Variants in PIP5K1A observed in about 807,000 individuals in gnomAD.
PIP5K1A encodes the protein phosphatidylinositol 4-phosphate 5-kinase type-1 alpha.
Under a neutral mutation model 72.9 loss-of-function variants are expected in PIP5K1A, and 46 were observed. The ratio of observed to expected loss-of-function variants is 0.63; its 90% confidence interval spans 0.50 to 0.81. PIP5K1A has a LOEUF of 0.81. PIP5K1A is among the 30% of genes least tolerant of loss of function. PIP5K1A has a pLI of 0.00. For synonymous variants in PIP5K1A, 228 were observed against 255.1 expected (o/e 0.89, Z 1.01); for missense variants, 458 against 706.1 (o/e 0.65, Z 3.98).
chr1:151,231,674 A>G lies in PIP5K1A; in HGVS notation c.241A>G (p.Thr81Ala). The change falls in exon 5 of 16, where the codon ACC (threonine) becomes GCC (alanine). Residue 81 changes from threonine to alanine, a missense_variant. By Grantham distance (58) the Thr-to-Ala change is moderately conservative. Coordinates refer to ENST00000368888, the MANE Select transcript of PIP5K1A (RefSeq NM_001135638.2). ...SSGETTYKKT[T>A]SSALKGAIQL... is the part of the protein sequence containing the mutation. ...TCTCATTTCTCTTGTTTCTCAGACAACCTCATCAGCCTTGAAAGGTGCCAT... is the reference window on the plus strand; with the variant it reads ...TCTCATTTCTCTTGTTTCTCAGACAGCCTCATCAGCCTTGAAAGGTGCCAT... 6.2e-7 allele frequency: 1 copy of G among 1,613,760 alleles called. No homozygotes were observed. The highest frequency in any genetic ancestry group is 8.5e-7 in the Non-Finnish European group (1 of 1,179,800).
intron 5 of PIP5K1A, 103 bp from the exon 6 acceptor site, chr1:151,232,145 C>T: frequency 1.3e-6 from 1 of 781,508 alleles, no homozygotes; most frequent in Non-Finnish European, 2.3e-6. Flanking sequence ...GAATGTATTC[C>T]CCCACTCCCC....
At chr1:151,236,830 T>C (rs1034488442) in intron 9 of PIP5K1A, 67 bp downstream of exon 9, 8 of 1,076,654 alleles carry the variant, frequency 7.4e-6, no homozygotes, top group Non-Finnish European at 6.6e-6. Context: ...TCTTTTTTTT[T>C]TTTTTTTTTT....
In PIP5K1A at chr1:151,199,959, A is replaced by T. The variant is rs183816164; in HGVS notation, c.85+878A>T. 4.9e-3 allele frequency among the ~76,000 whole-genome samples: 750 copies of T among 152,146 alleles called. 5 individuals carry two copies. The highest frequency in any genetic ancestry group is 7.8e-3 in the Admixed American group (119 of 15,256). On this transcript the variant is annotated intron_variant, in intron 1 of 15. Coordinates refer to ENST00000368888, the MANE Select transcript of PIP5K1A (RefSeq NM_001135638.2). Reference sequence around the variant, plus strand: ...CCCCCACCCTTAGGGCCGCACAGGCACACAGACACACATACATACTTTCTC... The same window carrying T: ...CCCCCACCCTTAGGGCCGCACAGGCTCACAGACACACATACATACTTTCTC...
chr1:151,204,184 A>G (rs1195482561), intron 1 of PIP5K1A, among the ~76,000 whole-genome samples: 6 of 151,920 alleles, frequency 3.9e-5, no homozygotes, highest in Non-Finnish European at 7.4e-5. Context: ...ATATATATAT[A>G]TATTTTTTTG....
chr1:151,223,973 AAAAG>A (rs1688757819), intron 1 of PIP5K1A: 2 of 517,964 alleles, frequency 3.9e-6, no homozygotes, highest in East Asian at 6.5e-5. Context: ...ATCTCAAAAA[AAAAG>A]AAAAAGTTAT....
chr1:151,200,825 T>TATTTATTC (rs1685120314), intron 1 of PIP5K1A, among the ~76,000 whole-genome samples: 2 of 151,622 alleles, frequency 1.3e-5, no homozygotes, highest in African/African-American at 4.8e-5. Flanking sequence ...TTTATTTATT[T>TATTTATTC]ATTTATTTAT....
upstream of PIP5K1A, chr1:151,198,146 T>C (rs893031597): frequency 1.7e-5 from 8 of 467,814 alleles, no homozygotes; most frequent in East Asian, 4.9e-4. Flanking sequence ...TTTAATCAAA[T>C]AGTAAACAAG....
intron 14 of PIP5K1A, 90 bp downstream of exon 14, chr1:151,242,657 T>C: frequency 8.9e-7 from 1 of 1,125,402 alleles, no homozygotes; most frequent in Non-Finnish European, 1.3e-6. Context: ...CATAATAAAT[T>C]ACCCCAAAGA....
At chr1:151,222,471 T>A (rs2102397555) in intron 1 of PIP5K1A, among the ~76,000 whole-genome samples, 1 of 152,304 alleles carries the variant, frequency 6.6e-6, no homozygotes, top group East Asian at 1.9e-4. Flanking sequence ...AAGGTAGAAC[T>A]TTTTAGGGAG....
At chr1:151,206,934 G>A (rs1370087571) in intron 1 of PIP5K1A, among the ~76,000 whole-genome samples, 3 of 151,980 alleles carry the variant, frequency 2.0e-5, no homozygotes, top group African/African-American at 7.2e-5. Context: ...TCTGACCTCA[G>A]GCGACCCTCA....
chr1:151,241,405 G>A (rs1302710257), intron 12 of PIP5K1A, among the ~76,000 whole-genome samples: 1 of 150,908 alleles, frequency 6.6e-6, no homozygotes, highest in Non-Finnish European at 1.5e-5. Context: ...TTGGGAGGCT[G>A]AGGCAGGAGA....
intron 9 of PIP5K1A, among the ~76,000 whole-genome samples, 196 bp downstream of exon 9, chr1:151,236,959 C>T (rs1690980580): frequency 6.6e-6 from 1 of 151,466 alleles, no homozygotes; most frequent in Admixed American, 6.6e-5. Flanking sequence ...TCCTGAGTAG[C>T]TGTGACTACA....
Position 151,198,715 on chromosome 1 carries a change from A to G in PIP5K1A, c.-282A>G. 2.0e-6 allele frequency: 1 copy of G among 498,696 alleles called. No homozygotes were observed. Among genetic ancestry groups the G allele is most frequent in the East Asian group, 3.3e-5 (1 of 30,198 alleles). 30.9% of individuals were successfully genotyped at this position (498,696 alleles called of 1,614,324 possible). A position where few individuals can be genotyped will look rare whatever the true frequency, so the allele number is the denominator to read the frequency against. ...GGCGCAAGGTCCCAGCAGCCAGCTT[A>G]AGCTTACTCTTCTGTGAAAGGGGAA... On this transcript the variant is annotated 5_prime_UTR_variant, in exon 1 of 16. It removes the in-frame stop codon of an upstream open reading frame in the 5' UTR. Transcript: ENST00000368888.
chr1:151,213,314 G>T (rs142341075), intron 1 of PIP5K1A, among the ~76,000 whole-genome samples: 294 of 152,236 alleles, frequency 1.9e-3, no homozygotes, highest in Non-Finnish European at 2.5e-3. Flanking sequence ...TGACTGGGTT[G>T]TTTTCACTTT....
intron 7 of PIP5K1A, 34 bp from the exon 8 acceptor site, chr1:151,234,163 G>A: frequency 3.3e-6 from 5 of 1,535,294 alleles, no homozygotes; most frequent in Non-Finnish European, 4.4e-6. Context: ...CAGCTAAGTT[G>A]TTCTCCTACT....
chr1:151,206,554 CT>C (rs1558236763), intron 1 of PIP5K1A, among the ~76,000 whole-genome samples: 1 of 151,876 alleles, frequency 6.6e-6, no homozygotes, highest in East Asian at 1.9e-4. Context: ...TATATTAATA[CT>C]TTTTTTGTTT....
intron 1 of PIP5K1A, among the ~76,000 whole-genome samples, chr1:151,216,606 C>G (rs972901598): frequency 2.0e-5 from 3 of 152,042 alleles, no homozygotes; most frequent in African/African-American, 7.3e-5. Context: ...TTTCAGTAAA[C>G]CAGTCTCAAC....
intron 1 of PIP5K1A, among the ~76,000 whole-genome samples, chr1:151,213,997 A>G (rs1275889984): frequency 2.0e-5 from 3 of 152,180 alleles, no homozygotes; most frequent in Admixed American, 6.6e-5. Context: ...CACCTTTTCT[A>G]TGTGTATAAG....
upstream of PIP5K1A, among the ~76,000 whole-genome samples, chr1:151,196,951 C>T (rs1237338417): frequency 6.6e-6 from 1 of 151,026 alleles, no homozygotes; most frequent in Non-Finnish European, 1.5e-5. Flanking sequence ...ACCTCTGCCT[C>T]CTGGGTTCAA....
Sources: gnomAD v4.1 joint callset for allele counts (sites outside exome capture counted in the v4.1 genomes callset) on GRCh38, gnomAD v4.1.1 for gene constraint, MANE v1.5 for transcripts, NCBI Gene and HGNC (gene_info 2026-07-23, HGNC 2026-07-21) for gene names.